The following ADK variants were observed in gnomAD, a reference collection of about 807,000 sequenced individuals.
The protein encoded by ADK is N6,N6-dimethyladenosine kinase.
A neutral mutation model predicts 44.7 loss-of-function variants in ADK; 24 were observed. The ratio of observed to expected loss-of-function variants is 0.54; its 90% confidence interval spans 0.39 to 0.76. ADK has a LOEUF of 0.76. ADK is among the 30% of genes least tolerant of loss of function. The probability of loss-of-function intolerance (pLI) is 0.00; values close to 1 mark genes in which losing one functional copy is unlikely to be tolerated. For synonymous variants in ADK, 128 were observed against 142.6 expected, an observed-to-expected ratio of 0.90 and a Z score of 0.73; for missense variants, 321 against 425.1, an observed-to-expected ratio of 0.76 and a Z score of 2.15.
intron 2 of ADK, among the ~76,000 whole-genome samples, chr10:74,205,717 A>T: frequency 6.6e-6 from 1 of 151,140 alleles, no homozygotes; most frequent in South Asian, 2.1e-4. Context: ...AGAGTAATTC[A>T]CTATAGTAAG....
At position 74,634,277 on chromosome 10, in the gene ADK, C is replaced by T. The variant is rs145491251; in HGVS notation, c.877+33784C>T. ...TGGAGTGCAGTGGAGTGCAGTGGCGCGATCTCGGCTCACTACAAGCTCCGC... is the reference window on the plus strand; with the variant it reads ...TGGAGTGCAGTGGAGTGCAGTGGCGTGATCTCGGCTCACTACAAGCTCCGC... On this transcript the variant is annotated intron_variant, in intron 9 of 10. Coordinates refer to ENST00000539909, the MANE Select transcript of ADK (RefSeq NM_006721.4). Among the ~76,000 whole-genome samples the T allele has an allele frequency of 7.0e-3, 1,067 of 152,112 alleles. 7 individuals are homozygous for T. The highest frequency in any genetic ancestry group is 0.025 in the African/African-American group (1,032 of 41,496).
intron 9 of ADK, among the ~76,000 whole-genome samples, chr10:74,651,478 A>G (rs1385110177): frequency 1.3e-5 from 2 of 152,160 alleles, no homozygotes; most frequent in African/African-American, 4.8e-5. Flanking sequence ...GGGTTGTATT[A>G]TGCAGCTACA....
intron 6 of ADK, among the ~76,000 whole-genome samples, chr10:74,435,960 A>G (rs1022398380): frequency 6.6e-6 from 1 of 152,224 alleles, no homozygotes; most frequent in African/African-American, 2.4e-5. Flanking sequence ...ATTTAAATCT[A>G]TACACAAAAA....
At chr10:74,270,539 A>G (rs61863653) in intron 3 of ADK, among the ~76,000 whole-genome samples, 4,792 of 152,296 alleles carry the variant, frequency 0.031, 107 homozygotes, top group Non-Finnish European at 0.045. Flanking sequence ...CTAGGATTAC[A>G]GGTGTGAGCC....
chr10:74,168,282 G>A (rs1156910677), intron 1 of ADK, among the ~76,000 whole-genome samples: 2 of 152,302 alleles, frequency 1.3e-5, no homozygotes, highest in South Asian at 4.1e-4. Context: ...GCTTACGCCT[G>A]TAATCCCAGC....
intron 9 of ADK, chr10:74,656,120 T>C: frequency 2.8e-6 from 1 of 360,526 alleles, no homozygotes; most frequent in Non-Finnish European, 5.5e-6. Context: ...CCCTCTTGGA[T>C]CACAAACACT....
At chr10:74,708,221 G>T in intron 10 of ADK, 100 bp from the exon 11 acceptor site, 1 of 1,246,548 alleles carries the variant, frequency 8.0e-7, no homozygotes, top group Non-Finnish European at 1.1e-6. Context: ...CAAGGCTGAA[G>T]AATGAGACAG....
chr10:74,189,518 T>C (rs906639172), intron 1 of ADK, among the ~76,000 whole-genome samples: 3 of 152,218 alleles, frequency 2.0e-5, no homozygotes, highest in Non-Finnish European at 4.4e-5. Context: ...CGGTGTATAC[T>C]GCAGTTATTG....
At chr10:74,552,550 C>T (rs1406780878) in intron 7 of ADK, among the ~76,000 whole-genome samples, 1 of 150,626 alleles carries the variant, frequency 6.6e-6, no homozygotes, top group Non-Finnish European at 1.5e-5. Context: ...TGCACAAAAG[C>T]ATTGAATTAT....
At chr10:74,303,305 TTTTGTC>T (rs1840123685) in intron 3 of ADK, among the ~76,000 whole-genome samples, 1 of 152,164 alleles carries the variant, frequency 6.6e-6, no homozygotes, top group Admixed American at 6.5e-5. Context: ...TTATGGAATA[TTTTGTC>T]TTTTGGCACT....
intron 4 of ADK, among the ~76,000 whole-genome samples, chr10:74,323,664 G>A (rs529384278): frequency 1.6e-3 from 235 of 150,574 alleles, no homozygotes; most frequent in Non-Finnish European, 2.2e-3. Flanking sequence ...TCCACCTCCC[G>A]GGGTCACACC....
rs11591270 is a variant in ADK at position 74,615,418 on chromosome 10, A to G, written c.877+14925A>G. Among the ~76,000 whole-genome samples, 266 of 152,280 alleles carry G rather than the reference A, an allele frequency of 1.7e-3. 1 individual carries two copies. The Middle Eastern group carries it at 0.02, about 12-fold the overall frequency. ...GTGTCAAGTTCTGTGGGTTTTGACA[A>G]ACACATAAGATCATGTAACCACCAC... is the stretch of plus-strand genomic sequence containing the variant. On this transcript the variant is annotated intron_variant, in intron 9 of 10. Transcript: ENST00000539909.
intron 4 of ADK, among the ~76,000 whole-genome samples, chr10:74,338,763 T>G (rs1477031921): frequency 6.6e-6 from 1 of 152,090 alleles, no homozygotes; most frequent in Non-Finnish European, 1.5e-5. Flanking sequence ...GAGTTAGAGA[T>G]AATGTGGGAG....
chr10:74,681,603 T>C (rs980346741), intron 10 of ADK, among the ~76,000 whole-genome samples: 1 of 152,094 alleles, frequency 6.6e-6, no homozygotes, highest in African/African-American at 2.4e-5. Context: ...CTCAGCACTT[T>C]AAGAGGCCGA....
At chr10:74,504,581 A>G (rs570247318) in intron 6 of ADK, among the ~76,000 whole-genome samples, 1 of 152,310 alleles carries the variant, frequency 6.6e-6, no homozygotes, top group African/African-American at 2.4e-5. Flanking sequence ...AAAGAAAATC[A>G]TAAGGAAAAT....
intron 9 of ADK, among the ~76,000 whole-genome samples, chr10:74,656,951 C>T (rs1193508234): frequency 6.6e-6 from 1 of 152,086 alleles, no homozygotes; most frequent in East Asian, 1.9e-4. Context: ...CCTCGAATTC[C>T]TGGACTCAAA....
rs183698068 is a variant in ADK at position 74,430,325 on chromosome 10, C to A, written c.555+31746C>A. Among the ~76,000 whole-genome samples the A allele has an allele frequency of 9.8e-4, 150 of 152,292 alleles. 1 individual carries two copies. The highest frequency in any genetic ancestry group is 3.4e-3 in the Middle Eastern group (1 of 294). Reference sequence around the variant, plus strand: ...GATATAGTCAAGGCTCCAAATATATCTGTCACCACAATGATCCTTCATGTT... The same window carrying A: ...GATATAGTCAAGGCTCCAAATATATATGTCACCACAATGATCCTTCATGTT... On this transcript the variant is annotated intron_variant, in intron 6 of 10. Coordinates refer to ENST00000539909, the MANE Select transcript of ADK (RefSeq NM_006721.4).
Position 74,426,975 on chromosome 10 carries a change from T to A in ADK, c.555+28396T>A, listed in dbSNP as rs1206464210. 2.6e-5 allele frequency among the ~76,000 whole-genome samples: 4 copies of A among 152,132 alleles called. No individual in the cohort carries two copies. In the East Asian group the frequency reaches 7.7e-4, roughly 29 times the overall value. On this transcript the variant is annotated intron_variant, in intron 6 of 10. Coordinates refer to ENST00000539909, the MANE Select transcript of ADK (RefSeq NM_006721.4). Reference sequence around the variant, plus strand: ...AGCCTCAACAGGCCCCTGTGTGTTATGTTCCCTTCCGTGTGTCCATGTGTT... The same window carrying A: ...AGCCTCAACAGGCCCCTGTGTGTTAAGTTCCCTTCCGTGTGTCCATGTGTT...
chr10:74,561,723 G>A (rs1252693931), intron 7 of ADK, among the ~76,000 whole-genome samples: 3 of 152,160 alleles, frequency 2.0e-5, no homozygotes, highest in African/African-American at 7.2e-5. Flanking sequence ...TAGATTTAGA[G>A]ATTTGTTACA....
Sources: allele counts gnomAD v4.1 joint callset (sites outside exome capture counted in the v4.1 genomes callset), GRCh38; gene constraint gnomAD v4.1.1; transcripts MANE v1.5; gene names NCBI Gene and HGNC (gene_info 2026-07-23, HGNC 2026-07-21).